Variants in ASAP1 observed in about 807,000 individuals in gnomAD.
ASAP1 encodes arf-GAP with SH3 domain, ANK repeat and PH domain-containing protein 1.
ASAP1 carries 43 observed loss-of-function variants against 145.2 expected under a neutral mutation model. That is an observed-to-expected ratio of 0.30 (90% CI 0.23 to 0.38). ASAP1 has a LOEUF of 0.38. Among genes scored for constraint, ASAP1 ranks in the 10% least tolerant of loss-of-function variants. The pLI is 1.00. For missense variants in ASAP1, 1,018 were observed against 1,355.3 expected, an observed-to-expected ratio of 0.75 and a Z score of 3.91; for synonymous variants, 546 against 515.5, an observed-to-expected ratio of 1.06 and a Z score of -0.80.
At chr8:130,111,773 G>A (rs560250510) in intron 24 of ASAP1, among the ~76,000 whole-genome samples, 1 of 152,264 alleles carries the variant, frequency 6.6e-6, no homozygotes, top group African/African-American at 2.4e-5. Flanking sequence ...CTTACCAGTG[G>A]TGTGACCTTG....
At chr8:130,214,740 T>G (rs746747855) in intron 4 of ASAP1, 39 bp from the exon 5 acceptor site, 1 of 1,508,738 alleles carries the variant, frequency 6.6e-7, no homozygotes, top group Admixed American at 2.2e-5. Context: ...TCTGAACTAT[T>G]ATTTGCCACA....
intron 9 of ASAP1, among the ~76,000 whole-genome samples, chr8:130,174,711 A>G (rs1473581291): frequency 6.6e-6 from 1 of 152,188 alleles, no homozygotes; most frequent in Non-Finnish European, 1.5e-5. Flanking sequence ...TCTTCTAAAC[A>G]AAGGGGTTTA....
intron 3 of ASAP1, among the ~76,000 whole-genome samples, chr8:130,253,516 T>C (rs993733684): frequency 2.0e-5 from 3 of 152,184 alleles, no homozygotes; most frequent in African/African-American, 7.2e-5. Flanking sequence ...AAGGGAGATG[T>C]AGATACAAAG....
chr8:130,267,833 CCT>C (rs1282924635), intron 3 of ASAP1, among the ~76,000 whole-genome samples: 1 of 152,048 alleles, frequency 6.6e-6, no homozygotes, highest in Admixed American at 6.5e-5. Context: ...TGGGTGAGGC[CCT>C]CTCTCTAGAG....
At chr8:130,066,315 C>G (rs2097430551) in intron 27 of ASAP1, among the ~76,000 whole-genome samples, 1 of 152,188 alleles carries the variant, frequency 6.6e-6, no homozygotes, top group African/African-American at 2.4e-5. Flanking sequence ...CTGGTTTCCA[C>G]TGGGTGCTAT....
chr8:130,118,506 G>A lies in ASAP1; in HGVS notation c.1777C>T (p.Leu593=). Residue 593 remains leucine, a synonymous_variant, in exon 19 of 30, where the codon CTG becomes TTG. Coordinates refer to ENST00000518721, the MANE Select transcript of ASAP1 (RefSeq NM_018482.4). ...GGCCTTACCTGCCCAGGTTCCAGCA[G>A]TGGTTCCATTAGCTCTACCCCTTCT... is the stretch of plus-strand genomic sequence containing the variant. The part of the protein sequence containing the change: ...YAEGVELMEP[L]LEPGQELGET... The A allele has an allele frequency of 1.2e-6, 2 of 1,609,712 alleles. No individual in the cohort carries two copies. The highest frequency in any genetic ancestry group is 8.5e-7 in the Non-Finnish European group (1 of 1,177,394).
intron 13 of ASAP1, among the ~76,000 whole-genome samples, chr8:130,151,906 C>G (rs578171776): frequency 1.1e-4 from 16 of 152,324 alleles, no homozygotes; most frequent in African/African-American, 3.6e-4. Context: ...GAGTAACTAG[C>G]CAAGTTACAG....
chr8:130,341,058 C>T, intron 3 of ASAP1: 2 of 370,352 alleles, frequency 5.4e-6, no homozygotes. Context: ...TACAGTAACA[C>T]CACGTGGCTG....
At chr8:130,340,150 AGG>A (rs927058611) in intron 3 of ASAP1, among the ~76,000 whole-genome samples, 41 of 152,234 alleles carry the variant, frequency 2.7e-4, no homozygotes, top group African/African-American at 9.4e-4. Flanking sequence ...CGTGAAGAAA[AGG>A]CTGAAAGGAC....
intron 3 of ASAP1, among the ~76,000 whole-genome samples, chr8:130,355,862 C>T (rs1482019164): frequency 6.6e-6 from 1 of 152,094 alleles, no homozygotes; most frequent in Non-Finnish European, 1.5e-5. Flanking sequence ...CGACCGGAGA[C>T]AATGTTTTCC....
At chr8:130,354,359 G>A (rs987675645) in intron 3 of ASAP1, among the ~76,000 whole-genome samples, 1 of 152,096 alleles carries the variant, frequency 6.6e-6, no homozygotes, top group Non-Finnish European at 1.5e-5. Context: ...GCCATGTGTC[G>A]ACAGCAGGCC....
At chr8:130,097,756 C>T (rs1049279348) in intron 24 of ASAP1, among the ~76,000 whole-genome samples, 1 of 78,182 alleles carries the variant, frequency 1.3e-5, no homozygotes, top group Non-Finnish European at 2.8e-5. Flanking sequence ...GCAGCGATCT[C>T]CTGAGACTCT....
At chr8:130,336,420 A>C (rs1825040507) in intron 3 of ASAP1, among the ~76,000 whole-genome samples, 1 of 152,252 alleles carries the variant, frequency 6.6e-6, no homozygotes, top group South Asian at 2.1e-4. Flanking sequence ...TAGAATCAGC[A>C]CATAATAAGC....
intron 3 of ASAP1, among the ~76,000 whole-genome samples, chr8:130,333,806 G>T (rs1824854532): frequency 6.6e-6 from 1 of 152,182 alleles, no homozygotes. Context: ...TTTCTGGAGG[G>T]CCTATTATGT....
intron 3 of ASAP1, among the ~76,000 whole-genome samples, chr8:130,266,598 T>C (rs1037828952): frequency 6.6e-6 from 1 of 151,984 alleles, no homozygotes; most frequent in Non-Finnish European, 1.5e-5. Context: ...ATAACGAGAT[T>C]ACCTTCCAAA....
chr8:130,168,224 C>T (rs748152078), intron 10 of ASAP1, among the ~76,000 whole-genome samples: 4 of 152,126 alleles, frequency 2.6e-5, no homozygotes, highest in Non-Finnish European at 5.9e-5. Flanking sequence ...AATATATACG[C>T]TTTTATTTAC....
intron 25 of ASAP1, among the ~76,000 whole-genome samples, chr8:130,082,321 T>G (rs2097482343): frequency 1.3e-5 from 2 of 152,122 alleles, no homozygotes. Flanking sequence ...CATAAAATCC[T>G]CAGAGCTGTG....
At chr8:130,125,030 C>G (rs2135716943) in intron 17 of ASAP1, among the ~76,000 whole-genome samples, 1 of 152,306 alleles carries the variant, frequency 6.6e-6, no homozygotes, top group East Asian at 1.9e-4. Context: ...AGTGAACGCT[C>G]AGATGACCAG....
chr8:130,094,401 A>G (rs1428797067), intron 24 of ASAP1, among the ~76,000 whole-genome samples: 1 of 152,170 alleles, frequency 6.6e-6, no homozygotes, highest in Non-Finnish European at 1.5e-5. Flanking sequence ...TTAAATTTTT[A>G]GTAGAGACAG....
Sources: allele counts gnomAD v4.1 joint callset (sites outside exome capture counted in the v4.1 genomes callset), GRCh38; gene constraint gnomAD v4.1.1; transcripts MANE v1.5; gene names NCBI Gene and HGNC (gene_info 2026-07-23, HGNC 2026-07-21).